RAB31: variants seen among roughly 807,000 people sequenced by gnomAD.
RAB31 encodes the protein RAB31, member RAS oncogene family.
A neutral mutation model predicts 25.6 loss-of-function variants in RAB31; 21 were observed. The ratio of observed to expected loss-of-function variants is 0.82; its 90% confidence interval spans 0.58 to 1.18. The LOEUF (loss-of-function observed/expected upper bound fraction) is 1.18, where lower values mean the gene tolerates loss of function less well. RAB31 is among the 50% of genes most tolerant of loss of function. The pLI, the probability that RAB31 is intolerant of heterozygous loss-of-function variation, is 0.00. For missense variants in RAB31, 196 were observed against 250.1 expected (o/e 0.78, Z 1.46); for synonymous variants, 87 against 84.0 (o/e 1.04, Z -0.20).
intron 1 of RAB31, among the ~76,000 whole-genome samples, chr18:9,771,799 C>T (rs1441642927): frequency 6.6e-6 from 1 of 152,214 alleles, no homozygotes; most frequent in African/African-American, 2.4e-5. Flanking sequence ...CTTTCTGAGA[C>T]AAACTAAAAC....
rs544891433 is a variant in RAB31 at position 9,708,923 on chromosome 18, C to A, written c.39+479C>A. Among the ~76,000 whole-genome samples the A allele has an allele frequency of 1.3e-5, 2 of 152,366 alleles. No individual in the cohort carries two copies. Among genetic ancestry groups the A allele is most frequent in the African/African-American group, 4.8e-5 (2 of 41,588 alleles). On this transcript the variant is annotated intron_variant, in intron 1 of 6. Coordinates refer to ENST00000578921, the MANE Select transcript of RAB31 (RefSeq NM_006868.4). The surrounding 1 kb of genome is among the most constrained non-coding windows in gnomAD (Gnocchi z 6.4). ...GAAAGTTTAAGTTGCTCAGCCAAGTCGCTGAGTGCTCTTTTGCCTCCTGGG... is the reference window on the plus strand; with the variant it reads ...GAAAGTTTAAGTTGCTCAGCCAAGTAGCTGAGTGCTCTTTTGCCTCCTGGG...
chr18:9,727,274 G>T (rs560214230), intron 1 of RAB31, among the ~76,000 whole-genome samples: 4 of 152,258 alleles, frequency 2.6e-5, no homozygotes, highest in Admixed American at 2.0e-4. Flanking sequence ...TGTCTTCAGA[G>T]GCCTTGTAAA....
At chr18:9,762,408 A>T (rs2068293842) in intron 1 of RAB31, among the ~76,000 whole-genome samples, 1 of 152,140 alleles carries the variant, frequency 6.6e-6, no homozygotes, top group Non-Finnish European at 1.5e-5. Context: ...ATTCCATATG[A>T]TCTGCGAATG....
chr18:9,847,683 C>G lies in RAB31; in HGVS notation c.490+1992C>G, dbSNP rs537734196. Among the ~76,000 whole-genome samples the G allele has an allele frequency of 3.3e-5, 5 of 152,218 alleles. No homozygotes were observed. The South Asian group carries it at 1.0e-3, about 32-fold the overall frequency. On this transcript the variant is annotated intron_variant, in intron 6 of 6. Transcript: ENST00000578921. The stretch of plus-strand genomic sequence containing the variant: ...CACCTCCTGGGCTCAAGCAATCCTC[C>G]GACCTCAGCCACCTGGGTAGCTGGG...
chr18:9,836,461 C>A (rs560959049), intron 5 of RAB31, among the ~76,000 whole-genome samples: 9 of 152,276 alleles, frequency 5.9e-5, no homozygotes, highest in African/African-American at 1.9e-4. Flanking sequence ...CTATAGTCAT[C>A]TTGATACAGA....
chr18:9,775,530 G>C (rs1188362852), intron 2 of RAB31, among the ~76,000 whole-genome samples, 173 bp downstream of exon 2: 1 of 145,032 alleles, frequency 6.9e-6, no homozygotes, highest in Non-Finnish European at 1.5e-5. Context: ...ATGTGTCCAG[G>C]CTTACTGTCC....
In RAB31 at chr18:9,759,252, C is replaced by T. The variant is rs183297305; in HGVS notation, c.40-16026C>T. ...TCACTAAGGCTTGAGTGTAGTGCAG[C>T]CTCAACCTCCTGGGCTCAAGCAATC... On this transcript the variant is annotated intron_variant, in intron 1 of 6. Coordinates refer to ENST00000578921, the MANE Select transcript of RAB31 (RefSeq NM_006868.4). Among the ~76,000 whole-genome samples, 171 of 152,158 alleles carry T rather than the reference C, an allele frequency of 1.1e-3. 2 individuals are homozygous for T. The Middle Eastern group carries it at 0.014, about 12-fold the overall frequency.
chr18:9,827,068 C>T (rs1042940527), intron 5 of RAB31, among the ~76,000 whole-genome samples: 1 of 151,850 alleles, frequency 6.6e-6, no homozygotes, highest in Non-Finnish European at 1.5e-5. Flanking sequence ...TCTTGTTTTC[C>T]TGATTTTGAA....
At chr18:9,752,814 G>T (rs2068242187) in intron 1 of RAB31, among the ~76,000 whole-genome samples, 1 of 152,200 alleles carries the variant, frequency 6.6e-6, no homozygotes, top group Admixed American at 6.5e-5. Context: ...AAGAAGTTTG[G>T]AGACTTTTAC....
Position 9,860,283 on chromosome 18 carries a change from TTAA to T in RAB31, c.*964_*966del, listed in dbSNP as rs1295260713. The T allele has an allele frequency of 2.6e-5, 4 of 152,164 alleles. No individual in the cohort carries two copies. The highest frequency in any genetic ancestry group is 5.9e-5 in the Non-Finnish European group (4 of 68,020). The allele number at this position is 152,164 out of a possible 1,614,324, so 9.4% of individuals were successfully genotyped here. ...TTGGGCAAACTTCTAATAATAACAATTAATAATAGGTTACAGGAAAGCCAGCCA... is the reference window on the plus strand; with the variant it reads ...TTGGGCAAACTTCTAATAATAACAATTAATAGGTTACAGGAAAGCCAGCCA... On this transcript the variant is annotated 3_prime_UTR_variant, in exon 7 of 7. Coordinates refer to ENST00000578921, the MANE Select transcript of RAB31 (RefSeq NM_006868.4).
intron 5 of RAB31, 150 bp from the exon 6 acceptor site, chr18:9,845,432 A>G (rs1487398949): frequency 4.8e-6 from 3 of 625,090 alleles, no homozygotes; most frequent in Non-Finnish European, 7.7e-6. Flanking sequence ...AGTCTCACTC[A>G]TACTAGGTGT....
At chr18:9,724,292 A>AAAAC (rs2068087228) in intron 1 of RAB31, among the ~76,000 whole-genome samples, 5 of 143,480 alleles carry the variant, frequency 3.5e-5, no homozygotes, top group African/African-American at 1.1e-4. Flanking sequence ...AAAAAACAAA[A>AAAAC]AAAAAACATT....
At chr18:9,792,700 C>T (rs987336683) in intron 3 of RAB31, among the ~76,000 whole-genome samples, 4 of 152,136 alleles carry the variant, frequency 2.6e-5, no homozygotes, top group Admixed American at 6.5e-5. Flanking sequence ...CTGCCTTAGG[C>T]CCCATGCCCA....
Position 9,862,026 on chromosome 18 carries a change from G to C in RAB31, c.*2701G>C, listed in dbSNP as rs879534108. 1 of 152,632 alleles carries C rather than the reference G, an allele frequency of 6.6e-6. No individual in the cohort carries two copies. Among genetic ancestry groups the C allele is most frequent in the Non-Finnish European group, 1.5e-5 (1 of 68,048 alleles). 9.5% of individuals were successfully genotyped at this position (152,632 alleles called of 1,614,324 possible). On this transcript the variant is annotated 3_prime_UTR_variant, in exon 7 of 7. Transcript: ENST00000578921. Reference sequence around the variant, plus strand: ...TACCTTGCAGACTAAAAGGTTGAAGGCCCGAAACTAACTTTTAGCTAACAA... The same window carrying C: ...TACCTTGCAGACTAAAAGGTTGAAGCCCCGAAACTAACTTTTAGCTAACAA...
intron 1 of RAB31, among the ~76,000 whole-genome samples, chr18:9,761,905 C>G (rs2068290917): frequency 6.6e-6 from 1 of 152,156 alleles, no homozygotes; most frequent in Non-Finnish European, 1.5e-5. Context: ...CCTTCGGGTT[C>G]AAACGATTCT....
Position 9,754,628 on chromosome 18 carries a change from A to G in RAB31, c.40-20650A>G, listed in dbSNP as rs544738763. On this transcript the variant is annotated intron_variant, in intron 1 of 6. Coordinates refer to ENST00000578921, the MANE Select transcript of RAB31 (RefSeq NM_006868.4). ...CCTTAAACAATATGGCATAACAACT[A>G]TTTACATAGCATTTATGTTGTATAG... 2.6e-5 allele frequency among the ~76,000 whole-genome samples: 4 copies of G among 152,312 alleles called. No homozygotes were observed. The East Asian group carries it at 7.7e-4, about 29-fold the overall frequency.
chr18:9,779,490 T>C (rs964867327), intron 2 of RAB31, among the ~76,000 whole-genome samples: 1 of 152,212 alleles, frequency 6.6e-6, no homozygotes, highest in African/African-American at 2.4e-5. Flanking sequence ...ACTTAGGTCC[T>C]CCTTATTCTT....
intron 2 of RAB31, among the ~76,000 whole-genome samples, chr18:9,778,165 A>T (rs144850015): frequency 6.6e-6 from 1 of 152,330 alleles, no homozygotes; most frequent in East Asian, 1.9e-4. Context: ...CATCGTAAAT[A>T]GGGTAGTTAC....
At chr18:9,730,843 C>T (rs1449124030) in intron 1 of RAB31, among the ~76,000 whole-genome samples, 2 of 152,162 alleles carry the variant, frequency 1.3e-5, no homozygotes, top group South Asian at 2.1e-4. Context: ...CTCTTTCCTC[C>T]TATATGGTAT....
Sources: allele counts gnomAD v4.1 joint callset (sites outside exome capture counted in the v4.1 genomes callset), GRCh38; gene constraint gnomAD v4.1.1; non-coding constraint Gnocchi (gnomAD v3.1); transcripts MANE v1.5; gene names NCBI Gene and HGNC (gene_info 2026-07-23, HGNC 2026-07-21).